The following WWOX variants were observed in gnomAD, a reference collection of about 807,000 sequenced individuals.
WWOX encodes WW domain containing oxidoreductase.
Under a neutral mutation model 46.2 loss-of-function variants are expected in WWOX, and 69 were observed. That is an observed-to-expected ratio of 1.49 (90% CI 1.23 to 1.82). WWOX has a LOEUF of 1.82. Among genes scored for constraint, WWOX ranks in the 40% most tolerant of loss-of-function variants. The pLI is 0.00. For missense variants in WWOX, 919 were observed against 542.6 expected, an observed-to-expected ratio of 1.69 and a Z score of -6.89; for synonymous variants, 359 against 202.6, an observed-to-expected ratio of 1.77 and a Z score of -6.56.
At chr16:78,893,170 A>G (rs1050589791) in intron 8 of WWOX, among the ~76,000 whole-genome samples, 3 of 151,780 alleles carry the variant, frequency 2.0e-5, no homozygotes, top group African/African-American at 7.3e-5. Flanking sequence ...ACACACGACT[A>G]TGAGATGGAA....
At chr16:78,996,355 G>A in intron 8 of WWOX, 20 of 959,702 alleles carry the variant, frequency 2.1e-5, no homozygotes, top group Admixed American at 6.4e-5. Context: ...AATAGAAAGA[G>A]TGTGAGTGAA....
chr16:78,570,114 G>C (rs968247865), intron 8 of WWOX, among the ~76,000 whole-genome samples: 1 of 152,188 alleles, frequency 6.6e-6, no homozygotes, highest in Non-Finnish European at 1.5e-5. Flanking sequence ...AAGGGAGACA[G>C]GTGAGAATAC....
chr16:78,787,544 C>G (rs1221540453), intron 8 of WWOX, among the ~76,000 whole-genome samples: 1 of 152,142 alleles, frequency 6.6e-6, no homozygotes. Context: ...GGATATACCA[C>G]TTTTTGTTTA....
At chr16:78,791,688 G>A (rs997541819) in intron 8 of WWOX, among the ~76,000 whole-genome samples, 2 of 152,058 alleles carry the variant, frequency 1.3e-5, no homozygotes, top group Non-Finnish European at 2.9e-5. Flanking sequence ...GACCAGCCTG[G>A]CCAACATGAT....
intron 6 of WWOX, among the ~76,000 whole-genome samples, chr16:78,407,953 T>A (rs546165467): frequency 6.6e-6 from 1 of 152,306 alleles, no homozygotes; most frequent in South Asian, 2.1e-4. Flanking sequence ...GGAATGGACA[T>A]ATCCCAAGCA....
intron 8 of WWOX, among the ~76,000 whole-genome samples, chr16:78,646,396 C>A (rs1162636997): frequency 6.6e-6 from 1 of 152,066 alleles, no homozygotes; most frequent in Non-Finnish European, 1.5e-5. Context: ...GCCCTTCTTT[C>A]CTTAGCCTCC....
intron 5 of WWOX, among the ~76,000 whole-genome samples, chr16:78,225,620 C>T (rs142075993): frequency 0.014 from 2,075 of 152,188 alleles, 28 homozygotes; most frequent in Non-Finnish European, 0.021. Flanking sequence ...ATTTGTTTTG[C>T]CATGAGGAAT....
At chr16:79,102,072 G>T (rs1597377097) in intron 8 of WWOX, among the ~76,000 whole-genome samples, 1 of 126,698 alleles carries the variant, frequency 7.9e-6, no homozygotes, top group Admixed American at 7.9e-5. Context: ...GGGGGGGAGG[G>T]GGTGTGGGGA....
intron 5 of WWOX, among the ~76,000 whole-genome samples, chr16:78,267,524 T>C (rs954015089): frequency 3.3e-5 from 5 of 152,240 alleles, no homozygotes; most frequent in African/African-American, 1.2e-4. Flanking sequence ...GAATGCATTG[T>C]ATCTGTCCTT....
chr16:78,616,835 T>G (rs756088279), intron 8 of WWOX, among the ~76,000 whole-genome samples: 1 of 152,120 alleles, frequency 6.6e-6, no homozygotes, highest in Non-Finnish European at 1.5e-5. Context: ...TCTAATGACA[T>G]AATTACCTCC....
At chr16:79,172,127 A>G (rs2050711431) in intron 8 of WWOX, among the ~76,000 whole-genome samples, 1 of 151,850 alleles carries the variant, frequency 6.6e-6, no homozygotes, top group Non-Finnish European at 1.5e-5. Context: ...CAGGAACTAC[A>G]TTTTCTTGGG....
chr16:78,759,718 C>G (rs1456043827), intron 8 of WWOX, among the ~76,000 whole-genome samples: 1 of 152,198 alleles, frequency 6.6e-6, no homozygotes, highest in Non-Finnish European at 1.5e-5. Context: ...TTTCCTATGG[C>G]TGCTGTAAAA....
chr16:79,190,671 A>C (rs2051117373), intron 8 of WWOX, among the ~76,000 whole-genome samples: 1 of 152,246 alleles, frequency 6.6e-6, no homozygotes, highest in Non-Finnish European at 1.5e-5. Flanking sequence ...GGCATTAGGT[A>C]GAAGAGGGCT....
chr16:78,822,263 G>A (rs2051519570), intron 8 of WWOX, among the ~76,000 whole-genome samples: 2 of 152,172 alleles, frequency 1.3e-5, no homozygotes, highest in South Asian at 2.1e-4. Flanking sequence ...GGAGGCCAAG[G>A]TGGGTGGGTC....
chr16:79,015,485 A>G (rs2047395103), intron 8 of WWOX, among the ~76,000 whole-genome samples: 1 of 152,158 alleles, frequency 6.6e-6, no homozygotes, highest in Admixed American at 6.5e-5. Context: ...GGTGCTCAAT[A>G]AACTATAACG....
chr16:78,858,294 G>A (rs1033961989), intron 8 of WWOX, among the ~76,000 whole-genome samples: 1 of 147,844 alleles, frequency 6.8e-6, no homozygotes, highest in South Asian at 2.1e-4. Context: ...CATCTGAGCA[G>A]CATATGCTGT....
intron 5 of WWOX, among the ~76,000 whole-genome samples, chr16:78,314,688 GTTTTTTTTTTTTGTTTTTT>G (rs1180367867): frequency 1.1e-5 from 1 of 90,512 alleles, no homozygotes; most frequent in Non-Finnish European, 2.0e-5. Context: ...CCCTGCAGGG[GTTTTTTTTTTTTGTTTTTT>G]TTTTTTTTTT....
intron 8 of WWOX, among the ~76,000 whole-genome samples, chr16:78,615,839 C>G (rs563339735): frequency 5.0e-4 from 76 of 151,910 alleles, no homozygotes; most frequent in African/African-American, 1.8e-3. Context: ...TAAGCTCCGC[C>G]TCCCGAGTTC....
chr16:78,787,342 G>A (rs1432197736), intron 8 of WWOX, among the ~76,000 whole-genome samples: 2 of 151,938 alleles, frequency 1.3e-5, no homozygotes, highest in Non-Finnish European at 2.9e-5. Context: ...CCTTCCCCCA[G>A]CCCCTCATAA....
Sources: allele counts gnomAD v4.1 joint callset (sites outside exome capture counted in the v4.1 genomes callset), GRCh38; gene constraint gnomAD v4.1.1; transcripts MANE v1.5; gene names NCBI Gene and HGNC (gene_info 2026-07-23, HGNC 2026-07-21).